GLDC: variants seen among roughly 807,000 people sequenced by gnomAD.
GLDC encodes the protein glycine dehydrogenase (decarboxylating), mitochondrial.
In GLDC, 104 loss-of-function variants were observed where a neutral mutation model predicts 121.3. That is an observed-to-expected ratio of 0.86 (90% confidence interval 0.73 to 1.01). The LOEUF is 1.01. Ranked by LOEUF, GLDC falls within the 50% of genes least tolerant of loss-of-function variation. The pLI is 0.00. For missense variants in GLDC, 1,429 were observed against 1,306.6 expected, an observed-to-expected ratio of 1.09 and a Z score of -1.44; for synonymous variants, 546 against 480.6, an observed-to-expected ratio of 1.14 and a Z score of -1.78.
intron 17 of GLDC, chr9:6,558,271 C>T (rs562942042): frequency 1.0e-5 from 6 of 592,004 alleles, no homozygotes; most frequent in African/African-American, 9.3e-5. Flanking sequence ...GTGGGGAAGG[C>T]GAGAAGGAGA....
At chr9:6,536,998 C>T (rs934692293) in intron 22 of GLDC, among the ~76,000 whole-genome samples, 52 of 151,240 alleles carry the variant, frequency 3.4e-4, no homozygotes, top group Admixed American at 5.9e-4. Flanking sequence ...TCAAAAACAA[C>T]ATTTTCATTT....
chr9:6,608,404 A>G (rs1290023912), intron 4 of GLDC, among the ~76,000 whole-genome samples: 1 of 150,142 alleles, frequency 6.7e-6, no homozygotes, highest in Non-Finnish European at 1.5e-5. Flanking sequence ...CCTGAGTGAC[A>G]GAGTGAGACT....
At chr9:6,584,546 T>G (rs1249238426) in intron 15 of GLDC, among the ~76,000 whole-genome samples, 1 of 152,136 alleles carries the variant, frequency 6.6e-6, no homozygotes, top group Admixed American at 6.6e-5. Context: ...GAAACAAGGT[T>G]AAAAAAATCA....
chr9:6,546,549 C>T (rs755943868), intron 21 of GLDC, among the ~76,000 whole-genome samples: 10 of 152,038 alleles, frequency 6.6e-5, no homozygotes, highest in Non-Finnish European at 1.5e-4. Context: ...CAGTAACACA[C>T]ACGGAGCTGC....
intron 15 of GLDC, among the ~76,000 whole-genome samples, chr9:6,574,257 C>A (rs1461378565): frequency 6.6e-6 from 1 of 152,098 alleles, no homozygotes; most frequent in East Asian, 1.9e-4. Context: ...CACCTGAGGT[C>A]AGGAGTTCAA....
chr9:6,624,199 C>A (rs191850331), intron 2 of GLDC, among the ~76,000 whole-genome samples: 1 of 152,162 alleles, frequency 6.6e-6, no homozygotes, highest in African/African-American at 2.4e-5. Flanking sequence ...AGGAGTGTTA[C>A]AAGTTGAATT....
intron 15 of GLDC, among the ~76,000 whole-genome samples, chr9:6,579,652 C>T (rs570017881): frequency 6.6e-6 from 1 of 152,268 alleles, no homozygotes; most frequent in South Asian, 2.1e-4. Context: ...CGTGCCCAGT[C>T]CTGATTGTTT....
intron 23 of GLDC, 61 bp from the exon 24 acceptor site, chr9:6,534,849 C>A: frequency 1.2e-6 from 1 of 861,516 alleles, no homozygotes; most frequent in South Asian, 1.4e-5. Flanking sequence ...TCCTCCTACC[C>A]TGCACCTCAA....
intron 2 of GLDC, among the ~76,000 whole-genome samples, chr9:6,629,959 T>TATATATGTATATATATATATATATATATA (rs1449751329): frequency 9.0e-5 from 5 of 55,864 alleles, no homozygotes; most frequent in African/African-American, 7.5e-4. Context: ...ATATATATAT[T>TATATATGTATATATATATATATATATATA]TTTTTTTTTT....
rs118133863 is a variant in GLDC, at chr9:6,562,070, T to C, written c.1926+3284A>G. On this transcript the variant is annotated intron_variant, in intron 16 of 24. Transcript: ENST00000321612. ...CTCTGAACAGCAAACCTAATTGTTT[T>C]TCTTTAGAGTTTTTATTTTTTCGTA... is the stretch of plus-strand genomic sequence containing the variant. Among the ~76,000 whole-genome samples the C allele has an allele frequency of 5.3e-3, 815 of 152,362 alleles. 5 individuals carry two copies. Among genetic ancestry groups the C allele is most frequent in the South Asian group, 0.036 (174 of 4,832 alleles).
chr9:6,644,843 A>G (rs1267084004), intron 1 of GLDC, 151 bp from the exon 2 acceptor site: 3 of 685,342 alleles, frequency 4.4e-6, no homozygotes, highest in Non-Finnish European at 7.8e-6. Context: ...GCAAGCCAGA[A>G]TGATTTGGAG....
chr9:6,548,220 T>C (rs1008737736), intron 21 of GLDC, among the ~76,000 whole-genome samples: 3 of 152,232 alleles, frequency 2.0e-5, no homozygotes, highest in African/African-American at 7.2e-5. Flanking sequence ...GATGGAACCA[T>C]GGACCATTTA....
chr9:6,579,377 T>C (rs1324124099), intron 15 of GLDC, among the ~76,000 whole-genome samples: 6 of 152,210 alleles, frequency 3.9e-5, no homozygotes, highest in African/African-American at 7.2e-5. Flanking sequence ...CTGAATCTTC[T>C]GAATCTGTCT....
At position 6,630,134 on chromosome 9, in the gene GLDC, T is replaced by C. The variant is rs541879171; in HGVS notation, c.335-9815A>G. ...GCTTTTGAGTTTTGAACAATGTGCC[T>C]ATATTGTGTATTTGTAATTAAAATG... On this transcript the variant is annotated intron_variant, in intron 2 of 24. Coordinates refer to ENST00000321612, the MANE Select transcript of GLDC (RefSeq NM_000170.3). 9.9e-5 allele frequency among the ~76,000 whole-genome samples: 15 copies of C among 151,382 alleles called. No individual in the cohort carries two copies. In the East Asian group the frequency reaches 2.9e-3, roughly 29 times the overall value.
intron 21 of GLDC, chr9:6,540,972 C>T (rs1274179640): frequency 2.0e-5 from 3 of 152,222 alleles, no homozygotes; most frequent in African/African-American, 7.2e-5. Context: ...GCCAGGGCAA[C>T]ATGGCCAAAC....
chr9:6,597,951 G>A (rs1289807467), intron 8 of GLDC, among the ~76,000 whole-genome samples: 1 of 152,002 alleles, frequency 6.6e-6, no homozygotes, highest in African/African-American at 2.4e-5. Context: ...AAAGAAATAA[G>A]AGAATATAAA....
intron 3 of GLDC, among the ~76,000 whole-genome samples, chr9:6,611,946 C>T (rs564868572): frequency 3.9e-5 from 6 of 152,206 alleles, no homozygotes; most frequent in East Asian, 1.9e-4. Flanking sequence ...TCTGTCTTCA[C>T]GGTGTCAAGC....
At chr9:6,607,272 A>T (rs1260808276) in intron 4 of GLDC, among the ~76,000 whole-genome samples, 1 of 152,044 alleles carries the variant, frequency 6.6e-6, no homozygotes, top group Non-Finnish European at 1.5e-5. Flanking sequence ...AATAAAGCAA[A>T]GGACAGTGAT....
At position 6,606,651 on chromosome 9, in the gene GLDC, T is replaced by C; in HGVS notation, c.654A>G (p.Lys218=). The change falls in exon 5 of 25, where the codon AAA becomes AAG. Residue 218 remains lysine (K), a synonymous_variant. Transcript: ENST00000321612. ...GGTGGCAACGGGGATCAACGAGAAATTTCCTCCTCTTGTTGTGTCTGTTGA... is the reference window on the plus strand; with the variant it reads ...GGTGGCAACGGGGATCAACGAGAAACTTCCTCCTCTTGTTGTGTCTGTTGA... ...QLCYRHNKRR[K]FLVDPRCHPQ... is the part of the protein sequence containing the mutation. 1 of 1,603,058 alleles carries C rather than the reference T, an allele frequency of 6.2e-7. No homozygotes were observed. The highest frequency in any genetic ancestry group is 8.5e-7 in the Non-Finnish European group (1 of 1,170,358).
Sources: gnomAD v4.1 joint callset for allele counts (sites outside exome capture counted in the v4.1 genomes callset) on GRCh38, gnomAD v4.1.1 for gene constraint, MANE v1.5 for transcripts, NCBI Gene and HGNC (gene_info 2026-07-23, HGNC 2026-07-21) for gene names.